The following APOBEC3F variants were observed in gnomAD, a reference collection of about 807,000 sequenced individuals.
APOBEC3F encodes the protein apolipoprotein B mRNA editing enzyme catalytic subunit 3F, also known as DNA dC->dU-editing enzyme APOBEC-3F.
In APOBEC3F, 34 loss-of-function variants were observed where a neutral mutation model predicts 45.8. The observed-to-expected ratio is 0.74, with a 90% confidence interval of 0.57 to 0.99. APOBEC3F has a LOEUF of 0.99. Among genes scored for constraint, APOBEC3F ranks in the 50% least tolerant of loss-of-function variants. The probability of loss-of-function intolerance (pLI) is 0.00; values close to 1 mark genes in which losing one functional copy is unlikely to be tolerated. For synonymous variants in APOBEC3F, 192 were observed against 174.4 expected (o/e 1.10, Z -0.80); for missense variants, 459 against 474.1 (o/e 0.97, Z 0.30).
intron 1 of APOBEC3F, among the ~76,000 whole-genome samples, chr22:39,041,921 C>G (rs1037752979): frequency 6.6e-6 from 1 of 152,060 alleles, no homozygotes; most frequent in African/African-American, 2.4e-5. Context: ...ACTCAATGAT[C>G]AGGAGAAATG....
chr22:39,052,547 C>T, intron 6 of APOBEC3F, 30 bp from the exon 7 acceptor site: 1 of 1,600,310 alleles, frequency 6.2e-7, no homozygotes. Flanking sequence ...CCTGCTGGGC[C>T]CTCACTGCTT....
intron 5 of APOBEC3F, among the ~76,000 whole-genome samples, chr22:39,051,569 AAAAAT>A (rs1352715975): frequency 6.6e-6 from 1 of 151,920 alleles, no homozygotes; most frequent in Non-Finnish European, 1.5e-5. Context: ...AAAGAAAAGA[AAAAAT>A]AAAGAGCAAG....
chr22:39,049,676 G>T (rs957075164), intron 5 of APOBEC3F, 95 bp downstream of exon 5: 33 of 1,354,600 alleles, frequency 2.4e-5, no homozygotes, highest in Admixed American at 4.5e-5. Flanking sequence ...GGGCTTTCCT[G>T]TGTGTACTTT....
intron 5 of APOBEC3F, 101 bp downstream of exon 5, chr22:39,049,682 A>G (rs1359761024): frequency 1.5e-6 from 2 of 1,315,152 alleles, no homozygotes; most frequent in Non-Finnish European, 2.1e-6. Context: ...TCCTGTGTGT[A>G]CTTTCCTCTT....
chr22:39,049,727 TCTCA>T (rs1393628018), intron 5 of APOBEC3F, 146 bp downstream of exon 5: 20 of 1,010,766 alleles, frequency 2.0e-5, no homozygotes, highest in African/African-American at 1.9e-4. Context: ...TGAGACAGAG[TCTCA>T]CTCAGTCACC....
chr22:39,047,588 T>G (rs1340936003), intron 4 of APOBEC3F, among the ~76,000 whole-genome samples: 1 of 151,852 alleles, frequency 6.6e-6, no homozygotes, highest in East Asian at 1.9e-4. Context: ...CAGCCTGGCC[T>G]CCCCCTGCCC....
intron 1 of APOBEC3F, among the ~76,000 whole-genome samples, 156 bp from the exon 2 acceptor site, chr22:39,042,781 C>G (rs886887728): frequency 3.3e-5 from 5 of 152,060 alleles, no homozygotes; most frequent in African/African-American, 1.2e-4. Context: ...GCTCTCTCCC[C>G]GGTCTTCCTG....
chr22:39,052,649 A>G lies in APOBEC3F; in HGVS notation c.1076A>G (p.Tyr359Cys). 1 of 1,614,154 alleles carries G rather than the reference A, an allele frequency of 6.2e-7. No homozygotes were observed. Among genetic ancestry groups the G allele is most frequent in the Non-Finnish European group, 8.5e-7 (1 of 1,180,014 alleles). The stretch of plus-strand genomic sequence containing the variant: ...TTCAAGCCTTGGAAAGGACTAAAAT[A>G]CAACTTTCTATTCCTGGACAGCAAG... Reference protein sequence around the residue: ...EPFKPWKGLKYNFLFLDSKLQ... With the variant: ...EPFKPWKGLKCNFLFLDSKLQ... The change falls in exon 7 of 7, where the codon TAC becomes TGC. Residue 359 changes from tyrosine (Y) to cysteine (C), a missense_variant. By Grantham distance (194) the Tyr-to-Cys change is radical. Transcript: ENST00000308521.
At chr22:39,048,600 G>A (rs555250018) in intron 4 of APOBEC3F, among the ~76,000 whole-genome samples, 4 of 151,804 alleles carry the variant, frequency 2.6e-5, no homozygotes, top group Admixed American at 1.3e-4. Flanking sequence ...AAGGTCAGGA[G>A]TTCAAGACCA....
chr22:39,047,707 A>G (rs1449435958), intron 4 of APOBEC3F, among the ~76,000 whole-genome samples: 1 of 150,842 alleles, frequency 6.6e-6, no homozygotes, highest in Admixed American at 6.6e-5. Context: ...TGAATGGGCC[A>G]TCTCCCCCAC....
chr22:39,051,904 C>T (rs1323400547), intron 5 of APOBEC3F, among the ~76,000 whole-genome samples, 170 bp from the exon 6 acceptor site: 1 of 152,002 alleles, frequency 6.6e-6, no homozygotes, highest in Non-Finnish European at 1.5e-5. Flanking sequence ...CAGTCAGCCC[C>T]AGATCGCACC....
At chr22:39,046,872 G>C (rs771182396) in intron 4 of APOBEC3F, among the ~76,000 whole-genome samples, 9 of 152,092 alleles carry the variant, frequency 5.9e-5, no homozygotes, top group Admixed American at 3.3e-4. Flanking sequence ...ATAATGGGAG[G>C]CTTGAGATGC....
At position 39,048,862 on chromosome 22, in the gene APOBEC3F, G is replaced by A. The variant is rs142047735; in HGVS notation, c.567-563G>A. Reference sequence around the variant, plus strand: ...CAGCCGGACGTGGTGACACAAGCTCGTAATCCCAGCTACTCAGGAGGCTGA... The same window carrying A: ...CAGCCGGACGTGGTGACACAAGCTCATAATCCCAGCTACTCAGGAGGCTGA... On this transcript the variant is annotated intron_variant, in intron 4 of 6. Coordinates refer to ENST00000308521, the MANE Select transcript of APOBEC3F (RefSeq NM_145298.6). 4.5e-3 allele frequency among the ~76,000 whole-genome samples: 686 copies of A among 152,106 alleles called. 3 individuals carry two copies. Among genetic ancestry groups the A allele is most frequent in the African/African-American group, 0.016 (655 of 41,472 alleles).
chr22:39,049,547 C>G lies in APOBEC3F; in HGVS notation c.689C>G (p.Pro230Arg). Residue 230 changes from proline to arginine, a missense_variant, in exon 5 of 7, where the codon CCT becomes CGT. Coordinates refer to ENST00000308521, the MANE Select transcript of APOBEC3F (RefSeq NM_145298.6). ...FTMEVVKHHSPVSWKRGVFRN... is the reference protein window; with the variant it reads ...FTMEVVKHHSRVSWKRGVFRN... ...ATGGAAGTTGTAAAGCACCACTCAC[C>G]TGTCTCCTGGAAGAGGGGCGTCTTC... is the stretch of plus-strand genomic sequence containing the variant. The G allele has an allele frequency of 1.9e-6, 3 of 1,614,086 alleles. No homozygotes were observed. The highest frequency in any genetic ancestry group is 2.2e-5 in the East Asian group (1 of 44,884).
chr22:39,049,849 A>G (rs1349951010), intron 5 of APOBEC3F, among the ~76,000 whole-genome samples: 1 of 151,734 alleles, frequency 6.6e-6, no homozygotes, highest in Admixed American at 6.6e-5. Flanking sequence ...ACAGGTGCCC[A>G]CCACCACACC....
intron 5 of APOBEC3F, among the ~76,000 whole-genome samples, chr22:39,051,346 G>A (rs778404366): frequency 2.0e-5 from 3 of 151,106 alleles, no homozygotes; most frequent in Non-Finnish European, 4.4e-5. Context: ...AACCATGCTC[G>A]CTAACTCGGT....
At chr22:39,049,166 G>C (rs1927361012) in intron 4 of APOBEC3F, among the ~76,000 whole-genome samples, 1 of 152,114 alleles carries the variant, frequency 6.6e-6, no homozygotes, top group African/African-American at 2.4e-5. Context: ...TTTCCTAATG[G>C]GTTGGGAGAC....
intron 5 of APOBEC3F, among the ~76,000 whole-genome samples, chr22:39,051,254 A>T (rs1927468104): frequency 6.6e-6 from 1 of 151,386 alleles, no homozygotes; most frequent in Non-Finnish European, 1.5e-5. Context: ...GATAAAGAGG[A>T]ACGGCCAGGT....
intron 4 of APOBEC3F, 136 bp from the exon 5 acceptor site, chr22:39,049,289 T>C: frequency 8.9e-7 from 1 of 1,123,586 alleles, no homozygotes. Flanking sequence ...TCCCCTCCTC[T>C]TTCTCTCTCC....
Sources: allele counts gnomAD v4.1 joint callset (sites outside exome capture counted in the v4.1 genomes callset), GRCh38; gene constraint gnomAD v4.1.1; transcripts MANE v1.5; gene names NCBI Gene and HGNC (gene_info 2026-07-23, HGNC 2026-07-21).